KCNT1: variants seen among roughly 807,000 people sequenced by gnomAD.
The protein encoded by KCNT1 is potassium channel subfamily T member 1.
KCNT1 carries 78 observed loss-of-function variants against 147.8 expected under a neutral mutation model. The ratio of observed to expected loss-of-function variants is 0.53; its 90% CI spans 0.44 to 0.64. The LOEUF is 0.64. Among genes scored for constraint, KCNT1 ranks in the 30% least tolerant of loss-of-function variants. The pLI is 0.00. For synonymous variants in KCNT1, 867 were observed against 748.8 expected (o/e 1.16, Z -2.58); for missense variants, 1,419 against 1,750.3 (o/e 0.81, Z 3.38).
intron 29 of KCNT1, chr9:135,788,010 C>G (rs988450942): frequency 2.7e-5 from 26 of 962,592 alleles, no homozygotes; most frequent in Admixed American, 1.5e-4. Context: ...TGCCCCTGCA[C>G]CCGCCCACTG....
In KCNT1 at chr9:135,714,824, C is replaced by T. The variant is rs1835656264; in HGVS notation, c.254+104C>T. The T allele has an allele frequency of 1.2e-5, 10 of 815,552 alleles. No homozygotes were observed. Among genetic ancestry groups the T allele is most frequent in the Non-Finnish European group, 1.4e-5 (9 of 642,982 alleles). The allele number at this position is 815,552 out of a possible 1,614,324, so 50.5% of individuals were successfully genotyped here. ...CGGCCGGTCCCGCGCGCCCCCGCAG[C>T]CGCCGGCGCCCTTCAACTTTTCCCG... On this transcript the variant is annotated intron_variant, in intron 2 of 30. Transcript: ENST00000371757. This position sits in a 1 kb window ranked among gnomAD's most constrained non-coding sequence, Gnocchi z 6.2.
intron 2 of KCNT1, among the ~76,000 whole-genome samples, chr9:135,726,357 C>T (rs1836139371): frequency 6.6e-6 from 1 of 152,064 alleles, no homozygotes; most frequent in African/African-American, 2.4e-5. Context: ...TGAGGCCGTA[C>T]CCCCAGGGAC....
At chr9:135,787,479 C>T (rs1834153082) in intron 29 of KCNT1, among the ~76,000 whole-genome samples, 5 of 152,250 alleles carry the variant, frequency 3.3e-5, no homozygotes, top group Non-Finnish European at 7.3e-5. Flanking sequence ...AGGGCTGCCT[C>T]TGTCCCGTCG....
intron 3 of KCNT1, chr9:135,750,529 C>T: frequency 3.0e-6 from 1 of 333,294 alleles, no homozygotes; most frequent in Non-Finnish European, 5.8e-6. Context: ...CCCCTCCATA[C>T]AGCCCCACCC....
At chr9:135,771,345 G>C (rs537987044) in intron 18 of KCNT1, among the ~76,000 whole-genome samples, 1 of 152,234 alleles carries the variant, frequency 6.6e-6, no homozygotes, top group Non-Finnish European at 1.5e-5. Flanking sequence ...GTGGCCCCCA[G>C]ACCCAGTTCC....
Position 135,732,024 on chromosome 9 carries a change from A to AGAGAGAGAGAGAGAGAGAGAGAGAGAGG in KCNT1, c.254+17321_254+17322insAGAGAGAGAGGGAGAGAGAGAGAGAGAG, listed in dbSNP as rs1554766187. Among the ~76,000 whole-genome samples, 173 of 65,070 alleles carry AGAGAGAGAGAGAGAGAGAGAGAGAGAGG rather than the reference A, an allele frequency of 2.7e-3. 17 individuals are homozygous for AGAGAGAGAGAGAGAGAGAGAGAGAGAGG. The highest frequency in any genetic ancestry group is 5.5e-3 in the East Asian group (9 of 1,632). The allele number at this position is 65,070 out of a possible 152,430, so 42.7% of individuals were successfully genotyped here. Reference sequence around the variant, plus strand: ...GAGAGAGAGAGAGAGAGAGAGAGAGAGAGAGAGAGAGAGAGAGGGAGTCTC... The same window carrying AGAGAGAGAGAGAGAGAGAGAGAGAGAGG: ...GAGAGAGAGAGAGAGAGAGAGAGAGAGAGAGAGAGAGAGAGAGAGAGAGAGAGGGAGAGAGAGAGAGAGAGGGAGTCTC... On this transcript the variant is annotated intron_variant, in intron 2 of 30. Coordinates refer to ENST00000371757, the MANE Select transcript of KCNT1 (RefSeq NM_020822.3).
chr9:135,759,572 C>T, intron 10 of KCNT1, 107 bp from the exon 11 acceptor site: 1 of 1,251,976 alleles, frequency 8.0e-7, no homozygotes. Context: ...TGATGCACAG[C>T]TCAGTCTCCT....
chr9:135,757,152 C>G lies in KCNT1; in HGVS notation c.601-4C>G, dbSNP rs752516170. The G allele has an allele frequency of 5.6e-6, 9 of 1,605,192 alleles. No individual in the cohort carries two copies. The highest frequency in any genetic ancestry group is 3.3e-5 in the Admixed American group (2 of 59,756). On this transcript the variant is annotated splice_region_variant and splice_polypyrimidine_tract_variant and intron_variant, in intron 7 of 30. Coordinates refer to ENST00000371757, the MANE Select transcript of KCNT1 (RefSeq NM_020822.3). ...CCCCGCTGATACCCCCCGTTTGGCCCCAGGGCAACATCTGGGAGCAGATCT... is the reference window on the plus strand; with the variant it reads ...CCCCGCTGATACCCCCCGTTTGGCCGCAGGGCAACATCTGGGAGCAGATCT...
rs375593833 is a variant in KCNT1, at chr9:135,764,069, T to G, written c.1036-962T>G. The stretch of plus-strand genomic sequence containing the variant: ...TCACCGGAACAAAGCAGGCGCTGGA[T>G]AAGTGCAATGCGATGGTCCCATTTA... On this transcript the variant is annotated intron_variant, in intron 11 of 30. Transcript: ENST00000371757. 3.9e-5 allele frequency among the ~76,000 whole-genome samples: 6 copies of G among 152,242 alleles called. No individual in the cohort carries two copies. In the East Asian group the frequency reaches 1.2e-3, roughly 29 times the overall value.
At chr9:135,777,582 T>C (rs1833259495) in intron 21 of KCNT1, 72 bp downstream of exon 21, 4 of 1,385,828 alleles carry the variant, frequency 2.9e-6, no homozygotes, top group Non-Finnish European at 3.9e-6. Context: ...CCTCCCCAAC[T>C]GGGCCCACCC....
At chr9:135,760,398 C>T (rs752564771) in intron 11 of KCNT1, among the ~76,000 whole-genome samples, 22 of 152,188 alleles carry the variant, frequency 1.4e-4, no homozygotes, top group Admixed American at 4.6e-4. Flanking sequence ...GGACTGCCTC[C>T]GACACCTCCT....
intron 18 of KCNT1, 89 bp downstream of exon 18, chr9:135,771,184 G>A: frequency 1.6e-6 from 2 of 1,243,578 alleles, no homozygotes; most frequent in South Asian, 1.4e-5. Context: ...AGGTGGGATG[G>A]GAGACCAGGC....
At chr9:135,779,721 C>T (rs1260582649) in intron 24 of KCNT1, among the ~76,000 whole-genome samples, 2 of 152,274 alleles carry the variant, frequency 1.3e-5, no homozygotes, top group Non-Finnish European at 2.9e-5. Flanking sequence ...AGCAGCCTTC[C>T]ATCTCCCTGA....
At chr9:135,757,273 C>T in intron 8 of KCNT1, 25 bp from the exon 9 acceptor site, 1 of 1,612,810 alleles carries the variant, frequency 6.2e-7, no homozygotes, top group Non-Finnish European at 8.5e-7. Flanking sequence ...CCTGGAGCCC[C>T]AGCCCTGACC....
intron 1 of KCNT1, among the ~76,000 whole-genome samples, chr9:135,705,504 G>A (rs1018568041): frequency 1.3e-5 from 2 of 152,226 alleles, no homozygotes; most frequent in Admixed American, 6.5e-5. Flanking sequence ...TGTGGGGCCC[G>A]CCAGCCAGCT....
Position 135,775,415 on chromosome 9 carries a change from G to A in KCNT1, c.2349G>A (p.Lys783=), listed in dbSNP as rs1348015013. ...KAPFCCLRLD[K]GCKHNSYEDA... The stretch of plus-strand genomic sequence containing the variant: ...CCTTCTGCTGCCTGCGGCTGGACAA[G>A]GTAAGGCTGGCGGCTCTGCCGCGCT... The change falls in exon 20 of 31, where the codon AAG becomes AAA. Residue 783 remains lysine (K), a splice_region_variant and synonymous_variant. Transcript: ENST00000371757. 1.2e-6 allele frequency: 2 copies of A among 1,608,376 alleles called. No individual in the cohort carries two copies. The highest frequency in any genetic ancestry group is 1.7e-6 in the Non-Finnish European group (2 of 1,177,054).
intron 21 of KCNT1, 58 bp downstream of exon 21, chr9:135,777,568 G>A: frequency 1.4e-6 from 2 of 1,393,602 alleles, no homozygotes; most frequent in Non-Finnish European, 1.9e-6. Flanking sequence ...CCTGCAGCCA[G>A]CAGCCTCCCC....
rs1834587085 is a variant in KCNT1 at position 135,792,133 on chromosome 9, CCGAGACTCGCGA to C, written c.3687_3698del (p.Arg1230_Thr1233del). ...AGCCACAAGCTGTCGTCCTGCAACC[CCGAGACTCGCGA>C]CGAGACACAGCTCTGAGCCAGCCCT... is the stretch of plus-strand genomic sequence containing the variant. On this transcript the variant is annotated inframe_deletion, in exon 31 of 31. Coordinates refer to ENST00000371757, the MANE Select transcript of KCNT1 (RefSeq NM_020822.3). 1 of 1,606,024 alleles carries C rather than the reference CCGAGACTCGCGA, an allele frequency of 6.2e-7. No individual in the cohort carries two copies. Among genetic ancestry groups the C allele is most frequent in the African/African-American group, 1.3e-5 (1 of 74,904 alleles).
rs759931288 is a variant in KCNT1, at chr9:135,768,962, A to G, written c.1510+25A>G. On this transcript the variant is annotated intron_variant, in intron 15 of 30. Coordinates refer to ENST00000371757, the MANE Select transcript of KCNT1 (RefSeq NM_020822.3). ...GGTGCGTCTGGGGCACACGTGGGTGATGGTGTATCTGGGGCAGGGCACGTG... is the reference window on the plus strand; with the variant it reads ...GGTGCGTCTGGGGCACACGTGGGTGGTGGTGTATCTGGGGCAGGGCACGTG... The G allele has an allele frequency of 2.4e-5, 37 of 1,565,932 alleles. 1 individual carries two copies. In the South Asian group the frequency reaches 4.0e-4, roughly 17 times the overall value.
Sources: gnomAD v4.1 joint callset for allele counts (sites outside exome capture counted in the v4.1 genomes callset) on GRCh38, gnomAD v4.1.1 for gene constraint, Gnocchi (gnomAD v3.1) non-coding constraint, MANE v1.5 for transcripts, NCBI Gene and HGNC (gene_info 2026-07-23, HGNC 2026-07-21) for gene names.